SIAH3: variants seen among roughly 807,000 people sequenced by gnomAD.
SIAH3 encodes the protein siah E3 ubiquitin protein ligase family member 3.
In SIAH3, 9 loss-of-function variants were observed where a neutral mutation model predicts 12.6. That is an observed-to-expected ratio of 0.72 (90% CI 0.43 to 1.25). The LOEUF (loss-of-function observed/expected upper bound fraction) is 1.25. Ranked by LOEUF, SIAH3 falls within the 50% of genes most tolerant of loss-of-function variation. The pLI is 0.00. For missense variants in SIAH3, 390 were observed against 365.4 expected (o/e 1.07, Z -0.55); for synonymous variants, 154 against 151.1 (o/e 1.02, Z -0.14).
At chr13:45,802,398 T>C (rs1950585385) in intron 1 of SIAH3, among the ~76,000 whole-genome samples, 1 of 152,042 alleles carries the variant, frequency 6.6e-6, no homozygotes, top group Non-Finnish European at 1.5e-5. Context: ...GACCTAATGA[T>C]GAGAGTGGGG....
At chr13:45,848,017 G>A (rs1950766515) in intron 1 of SIAH3, among the ~76,000 whole-genome samples, 5 of 152,248 alleles carry the variant, frequency 3.3e-5, no homozygotes, top group African/African-American at 7.2e-5. Context: ...AGCAGCTGGC[G>A]CCAATGGGAG....
intron 1 of SIAH3, among the ~76,000 whole-genome samples, chr13:45,845,335 G>A (rs1344274719): frequency 2.0e-5 from 3 of 152,028 alleles, no homozygotes; most frequent in Non-Finnish European, 2.9e-5. Context: ...ATTTGTGAAA[G>A]GTACAATTTC....
At chr13:45,784,811 GC>G (rs1389426965) in intron 1 of SIAH3, among the ~76,000 whole-genome samples, 1 of 152,098 alleles carries the variant, frequency 6.6e-6, no homozygotes, top group East Asian at 1.9e-4. Context: ...GCCCACAAGT[GC>G]CCCCCAAAAC....
chr13:45,825,312 C>T (rs549585374), intron 1 of SIAH3, among the ~76,000 whole-genome samples: 1 of 152,146 alleles, frequency 6.6e-6, no homozygotes, highest in Non-Finnish European at 1.5e-5. Context: ...TTACAATCAG[C>T]CTTGATGGCA....
chr13:45,792,360 ATT>A (rs35546034), intron 1 of SIAH3, among the ~76,000 whole-genome samples: 2 of 145,798 alleles, frequency 1.4e-5, no homozygotes, highest in African/African-American at 2.5e-5. Flanking sequence ...GAAGGTATAA[ATT>A]TTTTTTTTTT....
intron 1 of SIAH3, among the ~76,000 whole-genome samples, chr13:45,805,000 AC>A (rs1295721758): frequency 2.7e-5 from 4 of 150,772 alleles, no homozygotes; most frequent in African/African-American, 9.7e-5. Flanking sequence ...ACACACACAC[AC>A]ACACACACAA....
At chr13:45,804,328 T>A (rs1308500185) in intron 1 of SIAH3, among the ~76,000 whole-genome samples, 2 of 152,052 alleles carry the variant, frequency 1.3e-5, no homozygotes, top group Non-Finnish European at 2.9e-5. Context: ...TGGCGAAAGA[T>A]CACATATTAT....
chr13:45,841,942 G>A (rs542022184), intron 1 of SIAH3, among the ~76,000 whole-genome samples: 1 of 152,224 alleles, frequency 6.6e-6, no homozygotes, highest in South Asian at 2.1e-4. Flanking sequence ...ACACTGCCAT[G>A]GGGACATATT....
chr13:45,801,064 T>C (rs1950580139), intron 1 of SIAH3, among the ~76,000 whole-genome samples: 1 of 136,876 alleles, frequency 7.3e-6, no homozygotes, highest in Non-Finnish European at 1.5e-5. Context: ...GCAACTAGAA[T>C]ATGCTGGACA....
intron 1 of SIAH3, among the ~76,000 whole-genome samples, chr13:45,828,355 T>C (rs540431828): frequency 6.6e-6 from 1 of 152,332 alleles, no homozygotes. Flanking sequence ...ATCTTTATTC[T>C]GATGATCTTC....
intron 1 of SIAH3, among the ~76,000 whole-genome samples, chr13:45,793,192 A>C (rs549056802): frequency 6.6e-6 from 1 of 152,268 alleles, no homozygotes; most frequent in South Asian, 2.1e-4. Flanking sequence ...CTTTGAGAGG[A>C]GGCAGGTTGC....
chr13:45,841,904 G>T (rs1403066428), intron 1 of SIAH3, among the ~76,000 whole-genome samples: 1 of 152,184 alleles, frequency 6.6e-6, no homozygotes, highest in Non-Finnish European at 1.5e-5. Context: ...AAGGTCCTGA[G>T]AACAAGACCC....
At chr13:45,798,284 C>T (rs1181648918) in intron 1 of SIAH3, among the ~76,000 whole-genome samples, 4 of 152,200 alleles carry the variant, frequency 2.6e-5, no homozygotes, top group African/African-American at 9.7e-5. Context: ...TTCAGCAGGG[C>T]CCATTGATTT....
At chr13:45,835,614 C>T (rs1161601151) in intron 1 of SIAH3, among the ~76,000 whole-genome samples, 1 of 152,210 alleles carries the variant, frequency 6.6e-6, no homozygotes, top group Non-Finnish European at 1.5e-5. Context: ...AGTCCAAAGT[C>T]ACATGGCTGG....
At chr13:45,813,328 G>C (rs147321087) in intron 1 of SIAH3, among the ~76,000 whole-genome samples, 1 of 152,350 alleles carries the variant, frequency 6.6e-6, no homozygotes, top group East Asian at 1.9e-4. Flanking sequence ...GAGAGGATGG[G>C]AAAGAGGCTG....
At chr13:45,806,605 A>T (rs914799491) in intron 1 of SIAH3, among the ~76,000 whole-genome samples, 27 of 152,314 alleles carry the variant, frequency 1.8e-4, no homozygotes, top group African/African-American at 6.0e-4. Context: ...TTGAAAAAGT[A>T]TCTATTGCGT....
At chr13:45,787,361 G>T (rs958658853) in intron 1 of SIAH3, among the ~76,000 whole-genome samples, 2 of 152,148 alleles carry the variant, frequency 1.3e-5, no homozygotes, top group Non-Finnish European at 2.9e-5. Flanking sequence ...CCCATCTTGT[G>T]CAAGGGGCTG....
intron 1 of SIAH3, among the ~76,000 whole-genome samples, chr13:45,849,249 G>A (rs1204936289): frequency 2.0e-5 from 3 of 152,186 alleles, no homozygotes; most frequent in African/African-American, 7.2e-5. Flanking sequence ...ATGTTCCTCT[G>A]AGCAAAATCC....
intron 1 of SIAH3, among the ~76,000 whole-genome samples, chr13:45,822,330 T>A (rs951415592): frequency 6.6e-6 from 1 of 151,906 alleles, no homozygotes; most frequent in African/African-American, 2.4e-5. Flanking sequence ...TTCTTAGCAA[T>A]CATTCATTAT....
Sources: gnomAD v4.1 joint callset for allele counts (sites outside exome capture counted in the v4.1 genomes callset) on GRCh38, gnomAD v4.1.1 for gene constraint, MANE v1.5 for transcripts, NCBI Gene and HGNC (gene_info 2026-07-23, HGNC 2026-07-21) for gene names.